BICD1: variants seen among roughly 807,000 people sequenced by gnomAD.
The protein encoded by BICD1 is BICD cargo adaptor 1.
Under a neutral mutation model 92.5 loss-of-function variants are expected in BICD1, and 35 were observed. The ratio of observed to expected loss-of-function variants is 0.38; its 90% CI spans 0.29 to 0.50. BICD1 has a LOEUF of 0.50. BICD1 is among the 20% of genes least tolerant of loss of function. The pLI is 0.93. For synonymous variants in BICD1, 429 were observed against 465.1 expected (o/e 0.92, Z 1.00); for missense variants, 950 against 1,189.8 (o/e 0.80, Z 2.97).
intron 6 of BICD1, among the ~76,000 whole-genome samples, chr12:32,335,447 G>C (rs1938071982): frequency 6.6e-6 from 1 of 152,012 alleles, no homozygotes; most frequent in African/African-American, 2.4e-5. Context: ...ACCGCGCCCG[G>C]CTGTATTTTG....
chr12:32,382,256 ATATTTAG>A lies in BICD1; in HGVS notation c.*4634_*4640del, dbSNP rs1360675965. Reference sequence around the variant, plus strand: ...ATTATTCAAAGTGTAATTGAAAGAGATATTTAGTATTAAGACATGTTCCCCAATTGAG... The same window carrying A: ...ATTATTCAAAGTGTAATTGAAAGAGATATTAAGACATGTTCCCCAATTGAG... On this transcript the variant is annotated 3_prime_UTR_variant, in exon 10 of 10. Coordinates refer to ENST00000652176, the MANE Select transcript of BICD1 (RefSeq NM_001714.4). The A allele has an allele frequency of 1.3e-5, 2 of 152,120 alleles. No individual in the cohort carries two copies. Among genetic ancestry groups the A allele is most frequent in the African/African-American group, 4.8e-5 (2 of 41,460 alleles). The allele number at this position is 152,120 out of a possible 1,614,324, so 9.4% of individuals were successfully genotyped here.
chr12:32,367,794 T>C, intron 9 of BICD1, 49 bp downstream of exon 9: 2 of 1,533,256 alleles, frequency 1.3e-6, no homozygotes, highest in Non-Finnish European at 1.8e-6. Context: ...GTCAGATCCA[T>C]AGACCCCAGC....
chr12:32,329,395 C>G (rs1937730633), intron 5 of BICD1, among the ~76,000 whole-genome samples: 1 of 152,080 alleles, frequency 6.6e-6, no homozygotes, highest in African/African-American at 2.4e-5. Context: ...CCGCGCCCAG[C>G]CAAGTATAGC....
At chr12:32,215,953 C>CAAAA (rs56005523) in intron 1 of BICD1, among the ~76,000 whole-genome samples, 19,669 of 67,534 alleles carry the variant, frequency 0.29, 3,232 homozygotes, top group Non-Finnish European at 0.37. Context: ...GACTCCGTCT[C>CAAAA]AAAAAAAAAA....
chr12:32,232,925 A>G (rs1429363980), intron 2 of BICD1, among the ~76,000 whole-genome samples: 1 of 152,174 alleles, frequency 6.6e-6, no homozygotes, highest in East Asian at 1.9e-4. Flanking sequence ...TGACAGTGAC[A>G]TCAACCTCTT....
chr12:32,338,023 C>A, intron 7 of BICD1: 1 of 539,868 alleles, frequency 1.9e-6, no homozygotes. Context: ...TAACCCCCTG[C>A]CCAATCCCTC....
intron 1 of BICD1, among the ~76,000 whole-genome samples, chr12:32,205,434 C>T (rs562105931): frequency 1.3e-5 from 2 of 152,128 alleles, no homozygotes; most frequent in Non-Finnish European, 2.9e-5. Flanking sequence ...GATAATGCTA[C>T]TCAAATTGTA....
intron 1 of BICD1, among the ~76,000 whole-genome samples, chr12:32,197,385 G>C (rs980403269): frequency 1.3e-5 from 2 of 152,176 alleles, no homozygotes; most frequent in African/African-American, 4.8e-5. Flanking sequence ...AAAAGCATTG[G>C]CAGGGTTATG....
At chr12:32,280,941 C>T (rs1947395079) in intron 2 of BICD1, among the ~76,000 whole-genome samples, 2 of 152,226 alleles carry the variant, frequency 1.3e-5, no homozygotes, top group Admixed American at 6.5e-5. Flanking sequence ...ATCAGTTTAG[C>T]GAATGGTGCA....
At chr12:32,151,958 T>G (rs564755704) in intron 1 of BICD1, among the ~76,000 whole-genome samples, 6 of 152,158 alleles carry the variant, frequency 3.9e-5, no homozygotes, top group South Asian at 2.1e-4. Context: ...TGTTGTTGTT[T>G]TTTGTTTTTG....
At chr12:32,318,137 A>C (rs533084549) in intron 4 of BICD1, among the ~76,000 whole-genome samples, 9,371 of 152,132 alleles carry the variant, frequency 0.062, 407 homozygotes, top group Middle Eastern at 0.13. Context: ...GTTTGAAGTC[A>C]GGTAGCCTGA....
chr12:32,115,561 C>A (rs1430800378), intron 1 of BICD1, among the ~76,000 whole-genome samples: 1 of 151,904 alleles, frequency 6.6e-6, no homozygotes, highest in Non-Finnish European at 1.5e-5. Flanking sequence ...GGGAAGAAAA[C>A]CCGAGAAGCT....
At chr12:32,203,343 A>G (rs1944959841) in intron 1 of BICD1, among the ~76,000 whole-genome samples, 1 of 152,244 alleles carries the variant, frequency 6.6e-6, no homozygotes. Flanking sequence ...GAGCCATCTT[A>G]AAATCAAGGA....
chr12:32,249,959 CAA>C (rs1274343796), intron 2 of BICD1, among the ~76,000 whole-genome samples: 2 of 150,458 alleles, frequency 1.3e-5, no homozygotes, highest in African/African-American at 4.9e-5. Context: ...ATTTTGAGCT[CAA>C]ATAGGAGACA....
At position 32,245,847 on chromosome 12, in the gene BICD1, T is replaced by C. The variant is rs148423586; in HGVS notation, c.426+29388T>C. On this transcript the variant is annotated intron_variant, in intron 2 of 9. Coordinates refer to ENST00000652176, the MANE Select transcript of BICD1 (RefSeq NM_001714.4). Reference sequence around the variant, plus strand: ...GAGTTCGAGACCAGTCTGGCCAACATAGTGAAACCCCTTCTCTACTAAAAA... The same window carrying C: ...GAGTTCGAGACCAGTCTGGCCAACACAGTGAAACCCCTTCTCTACTAAAAA... Among the ~76,000 whole-genome samples the C allele has an allele frequency of 8.6e-3, 1,297 of 151,336 alleles. 4 individuals are homozygous for C. Among genetic ancestry groups the C allele is most frequent in the Middle Eastern group, 0.037 (11 of 294 alleles).
chr12:32,154,423 C>T (rs2121453700), intron 1 of BICD1, among the ~76,000 whole-genome samples: 1 of 152,236 alleles, frequency 6.6e-6, no homozygotes, highest in South Asian at 2.1e-4. Context: ...CTTTAAACAC[C>T]ACTTAAACTC....
chr12:32,192,180 C>A (rs1944588312), intron 1 of BICD1, among the ~76,000 whole-genome samples: 1 of 152,050 alleles, frequency 6.6e-6, no homozygotes, highest in Admixed American at 6.6e-5. Flanking sequence ...GCCTGTAATC[C>A]CAGCACTTTG....
intron 2 of BICD1, among the ~76,000 whole-genome samples, chr12:32,259,962 T>C (rs1946815084): frequency 6.6e-6 from 1 of 151,762 alleles, no homozygotes; most frequent in Non-Finnish European, 1.5e-5. Flanking sequence ...TTTGCTCTTA[T>C]TGCCCAGGCT....
intron 1 of BICD1, among the ~76,000 whole-genome samples, chr12:32,126,968 T>C (rs1454043077): frequency 6.6e-6 from 1 of 152,166 alleles, no homozygotes; most frequent in Non-Finnish European, 1.5e-5. Context: ...GCATTTCATG[T>C]CTTTGCTCAT....
Sources: gnomAD v4.1 joint callset for allele counts (sites outside exome capture counted in the v4.1 genomes callset) on GRCh38, gnomAD v4.1.1 for gene constraint, MANE v1.5 for transcripts, NCBI Gene and HGNC (gene_info 2026-07-23, HGNC 2026-07-21) for gene names.